Variants in JADE2 observed in about 807,000 individuals in gnomAD.
The protein encoded by JADE2 is E3 ubiquitin-protein ligase Jade-2.
JADE2 carries 13 observed loss-of-function variants against 85.7 expected under a neutral mutation model. That is an observed-to-expected ratio of 0.15 (90% CI 0.10 to 0.24). JADE2 has a LOEUF of 0.24. Among genes scored for constraint, JADE2 ranks in the 10% least tolerant of loss-of-function variants. JADE2 has a pLI of 1.00. For synonymous variants in JADE2, 440 were observed against 456.1 expected (o/e 0.96, Z 0.45); for missense variants, 846 against 1,115.9 (o/e 0.76, Z 3.45).
At chr5:134,548,181 G>A (rs1364784251) in intron 3 of JADE2, among the ~76,000 whole-genome samples, 2 of 152,232 alleles carry the variant, frequency 1.3e-5, no homozygotes, top group Non-Finnish European at 2.9e-5. Flanking sequence ...GGAGGCCTCG[G>A]AACTTGCAAA....
intron 1 of JADE2, among the ~76,000 whole-genome samples, chr5:134,527,345 C>T (rs1005242062): frequency 2.0e-5 from 3 of 152,200 alleles, no homozygotes; most frequent in Admixed American, 6.5e-5. Context: ...ACATCCTCTC[C>T]TCTCGGCCAA....
chr5:134,576,629 C>T, intron 10 of JADE2, 139 bp from the exon 11 acceptor site: 1 of 1,076,236 alleles, frequency 9.3e-7, no homozygotes, highest in Non-Finnish European at 1.3e-6. Context: ...GCCAGCCATC[C>T]CCTAACTCCA....
In JADE2 at chr5:134,548,566, G is replaced by A. The variant is rs148512024; in HGVS notation, c.154-3486G>A. Among the ~76,000 whole-genome samples, 871 of 152,288 alleles carry A rather than the reference G, an allele frequency of 5.7e-3. 9 individuals carry two copies. Among genetic ancestry groups the A allele is most frequent in the African/African-American group, 0.019 (809 of 41,544 alleles). On this transcript the variant is annotated intron_variant, in intron 3 of 11. Transcript: ENST00000681547. ...CCATGATTCCTGCCTGCTAGAGCCC[G>A]TAGTGTCCAGTCTGCCACCTGCTCC...
chr5:134,558,434 T>C (rs908675656), intron 4 of JADE2, among the ~76,000 whole-genome samples: 5 of 150,680 alleles, frequency 3.3e-5, no homozygotes, highest in Non-Finnish European at 7.4e-5. Flanking sequence ...GCTTTTGGTG[T>C]TTTGGACATG....
intron 2 of JADE2, 94 bp downstream of exon 2, chr5:134,536,009 A>G (rs1032281495): frequency 1.9e-6 from 2 of 1,027,724 alleles, no homozygotes; most frequent in South Asian, 2.6e-5. Flanking sequence ...CTGTGGTCTT[A>G]ATTTCACTAA....
At chr5:134,572,098 G>C (rs190033307) in intron 9 of JADE2, among the ~76,000 whole-genome samples, 4 of 152,262 alleles carry the variant, frequency 2.6e-5, no homozygotes, top group Non-Finnish European at 5.9e-5. Context: ...TTAAGGGTGT[G>C]GGGGAAGGAG....
chr5:134,579,214 A>G lies in JADE2; in HGVS notation c.2402A>G (p.Glu801Gly). 6.2e-7 allele frequency: 1 copy of G among 1,614,118 alleles called. No homozygotes were observed. Among genetic ancestry groups the G allele is most frequent in the Non-Finnish European group, 8.5e-7 (1 of 1,180,016 alleles). ...ACTGATGGCTACTTCTCTGATGGGG[A>G]GATGAGCGACTCAGATGTAGAGGCC... is the stretch of plus-strand genomic sequence containing the variant. Reference protein sequence around the residue: ...TETDGYFSDGEMSDSDVEAED... With the variant: ...TETDGYFSDGGMSDSDVEAED... Residue 801 changes from glutamate (E) to glycine (G), a missense_variant, in exon 12 of 12, where the codon GAG becomes GGG. Coordinates refer to ENST00000681547, the MANE Select transcript of JADE2 (RefSeq NM_001388185.1). The surrounding 1 kb of genome is among the most constrained non-coding windows in gnomAD (Gnocchi z 4.6).
At chr5:134,533,514 ATGCTGGCTCGGAAGTACCTTCTTT>A in intron 1 of JADE2, 1 of 985,178 alleles carries the variant, frequency 1.0e-6, no homozygotes, top group Non-Finnish European at 1.2e-6. Context: ...ACTGTGGGAG[ATGCTGGCTCGGAAGTACCTTCTTT>A]GCAGGAAATG....
chr5:134,557,268 A>ATTTTTTTTTTTTT (rs59125974), intron 4 of JADE2, among the ~76,000 whole-genome samples: 3 of 137,896 alleles, frequency 2.2e-5, no homozygotes, highest in Non-Finnish European at 3.1e-5. Context: ...TTATTTTTTT[A>ATTTTTTTTTTTTT]TTTTTTTTTT....
chr5:134,538,195 A>G (rs1761724912), intron 3 of JADE2, 112 bp downstream of exon 3: 1 of 777,186 alleles, frequency 1.3e-6, no homozygotes, highest in African/African-American at 1.7e-5. Context: ...GAGGGAGGCC[A>G]GCGTGGCCGA....
intron 1 of JADE2, among the ~76,000 whole-genome samples, chr5:134,532,811 G>A (rs1364188522): frequency 6.6e-6 from 1 of 152,204 alleles, no homozygotes; most frequent in Non-Finnish European, 1.5e-5. Context: ...ACATAGTGCG[G>A]TCCCAGGCCT....
At chr5:134,573,835 G>A (rs773526397) in intron 10 of JADE2, 73 bp downstream of exon 10, 20 of 958,952 alleles carry the variant, frequency 2.1e-5, no homozygotes, top group Non-Finnish European at 3.3e-5. Context: ...CAAGGAGGGT[G>A]TGTCTTTGGA....
At position 134,564,593 on chromosome 5, in the gene JADE2, A is replaced by T. The variant is rs1481771485; in HGVS notation, c.952A>T (p.Thr318Ser). ...GTCCTGCAGCCTCTGCAAGGAATGC[A>T]CAGGCACCTGCATCCAGGTATGTGG... ...ALSCSLCKEC[T>S]GTCIQCSMPS... The change falls in exon 8 of 12, where the codon ACA becomes TCA. Residue 318 changes from threonine to serine, a missense_variant. Thr to Ser is a moderately conservative substitution (Grantham distance 58). Transcript: ENST00000681547. 2 of 1,555,608 alleles carry T rather than the reference A, an allele frequency of 1.3e-6. No homozygotes were observed. The highest frequency in any genetic ancestry group is 1.4e-5 in the African/African-American group (1 of 73,494).
intron 4 of JADE2, among the ~76,000 whole-genome samples, chr5:134,554,739 T>C (rs1477209597): frequency 6.6e-6 from 1 of 152,122 alleles, no homozygotes; most frequent in South Asian, 2.1e-4. Context: ...TCCACGCCTC[T>C]TCTGTTGCTA....
rs551838247 is a variant in JADE2 at position 134,578,893 on chromosome 5, G to A, written c.2081G>A (p.Arg694Gln). The A allele has an allele frequency of 3.7e-5, 60 of 1,613,852 alleles. No individual in the cohort carries two copies. Among genetic ancestry groups the A allele is most frequent in the Admixed American group, 6.7e-5 (4 of 60,024 alleles). The change falls in exon 12 of 12, where the codon CGG becomes CAG. Residue 694 changes from arginine (R) to glutamine (Q), a missense_variant. Physicochemically the swap from Arg to Gln is conservative, Grantham distance 43. Around this residue, in one of 9 missense-constraint regions of JADE2, gnomAD observed 300 missense variants for 300.7 expected, o/e 1.00. Coordinates refer to ENST00000681547, the MANE Select transcript of JADE2 (RefSeq NM_001388185.1). This position sits in a 1 kb window ranked among gnomAD's most constrained non-coding sequence, Gnocchi z 4.4. ...CCACCTACCAGGAAGCCACCACGTCGGACATCTTCTCACTTGCCGTCCAGC... is the reference window on the plus strand; with the variant it reads ...CCACCTACCAGGAAGCCACCACGTCAGACATCTTCTCACTTGCCGTCCAGC... ...QGPPTRKPPRRTSSHLPSSPA... is the reference protein window; with the variant it reads ...QGPPTRKPPRQTSSHLPSSPA...
chr5:134,575,194 TG>T (rs1478001087), intron 10 of JADE2: 1 of 152,282 alleles, frequency 6.6e-6, no homozygotes, highest in Non-Finnish European at 1.5e-5. Flanking sequence ...GCAGGGTATT[TG>T]GAGATGACTG....
intron 1 of JADE2, chr5:134,526,847 G>T: frequency 1.2e-6 from 1 of 804,216 alleles, no homozygotes; most frequent in Non-Finnish European, 1.5e-6. Context: ...CGGTAGTCCA[G>T]CTGGGGAGAG....
chr5:134,578,404 C>G lies in JADE2; in HGVS notation c.1682-90C>G, dbSNP rs941306714. On this transcript the variant is annotated intron_variant, in intron 11 of 11. Transcript: ENST00000681547. The surrounding 1 kb of genome is among the most constrained non-coding windows in gnomAD (Gnocchi z 4.4). ...ACAGGGGGACAGAGAGAAGACGATG[C>G]CTGGTGGTGTGCTGGGAGCGTCAGT... The G allele has an allele frequency of 7.3e-6, 7 of 958,278 alleles. No individual in the cohort carries two copies. In the African/African-American group the frequency reaches 1.2e-4, roughly 16 times the overall value. The allele number at this position is 958,278 out of a possible 1,614,324, so 59.4% of individuals were successfully genotyped here.
chr5:134,556,427 TCACACAACACACA>T (rs1202906274), intron 4 of JADE2, among the ~76,000 whole-genome samples: 1 of 149,118 alleles, frequency 6.7e-6, no homozygotes, highest in African/African-American at 2.5e-5. Context: ...CACACACACA[TCACACAACACACA>T]CACACACCAC....
Sources: gnomAD v4.1 joint callset for allele counts (sites outside exome capture counted in the v4.1 genomes callset) on GRCh38, gnomAD v4.1.1 for gene constraint, gnomAD v4.1.1 regional missense constraint, Gnocchi (gnomAD v3.1) non-coding constraint, MANE v1.5 for transcripts, NCBI Gene and HGNC (gene_info 2026-07-23, HGNC 2026-07-21) for gene names.